The following KAZN variants were observed in gnomAD, a reference collection of about 807,000 sequenced individuals.
KAZN encodes kazrin.
In KAZN, 40 loss-of-function variants were observed where a neutral mutation model predicts 87.4. That is an observed-to-expected ratio of 0.46 (90% confidence interval 0.36 to 0.60). The LOEUF (loss-of-function observed/expected upper bound fraction) is 0.60. Among genes scored for constraint, KAZN ranks in the 20% least tolerant of loss-of-function variants. The pLI, the probability that KAZN is intolerant of heterozygous loss-of-function variation, is 0.00. For synonymous variants in KAZN, 466 were observed against 458.3 expected (o/e 1.02, Z -0.22); for missense variants, 898 against 1,073.9 (o/e 0.84, Z 2.29).
At chr1:14,580,804 C>T (rs1385120233) in intron 2 of KAZN, among the ~76,000 whole-genome samples, 3 of 152,172 alleles carry the variant, frequency 2.0e-5, no homozygotes, top group Admixed American at 6.5e-5. Context: ...GATTCTTGGT[C>T]GATCATTCGA....
At chr1:14,582,670 C>A (rs1675626096) in intron 2 of KAZN, among the ~76,000 whole-genome samples, 1 of 152,118 alleles carries the variant, frequency 6.6e-6, no homozygotes, top group African/African-American at 2.4e-5. Flanking sequence ...GTGGGAAGCA[C>A]CACTAACCTA....
intron 2 of KAZN, among the ~76,000 whole-genome samples, chr1:14,229,178 G>GA (rs915215326): frequency 6.6e-6 from 1 of 152,138 alleles, no homozygotes; most frequent in Non-Finnish European, 1.5e-5. Context: ...AGACAAGGAA[G>GA]AAAAATAGCT....
At chr1:14,883,832 G>A (rs556741410) in intron 1 of KAZN, among the ~76,000 whole-genome samples, 1 of 152,222 alleles carries the variant, frequency 6.6e-6, no homozygotes, top group Admixed American at 6.5e-5. Context: ...GGAATCTCTT[G>A]TTTTCTTTAA....
intron 1 of KAZN, among the ~76,000 whole-genome samples, chr1:14,141,944 T>A (rs2101769289): frequency 7.6e-6 from 1 of 131,420 alleles, no homozygotes; most frequent in East Asian, 2.3e-4. Flanking sequence ...TAAGGCTTTG[T>A]GCTTATGAGA....
chr1:14,078,572 T>C (rs1325208324), intron 1 of KAZN, among the ~76,000 whole-genome samples: 2 of 152,130 alleles, frequency 1.3e-5, no homozygotes, highest in Non-Finnish European at 2.9e-5. Flanking sequence ...AAGTCCAGAG[T>C]TGGAACACCG....
chr1:14,001,535 C>T (rs1166922024), intron 1 of KAZN, among the ~76,000 whole-genome samples: 1 of 152,122 alleles, frequency 6.6e-6, no homozygotes, highest in Non-Finnish European at 1.5e-5. Flanking sequence ...AAGAAGACCC[C>T]ATATAGCCAA....
At chr1:14,522,738 G>C (rs372169328) in intron 2 of KAZN, among the ~76,000 whole-genome samples, 1 of 152,126 alleles carries the variant, frequency 6.6e-6, no homozygotes, top group Non-Finnish European at 1.5e-5. Context: ...ATAACTCATC[G>C]GAGAAAATAT....
intron 2 of KAZN, among the ~76,000 whole-genome samples, chr1:14,965,642 T>A (rs1664377116): frequency 6.6e-6 from 1 of 152,272 alleles, no homozygotes; most frequent in Admixed American, 6.5e-5. Context: ...TTCCCTATTA[T>A]TAGACACTTA....
intron 1 of KAZN, among the ~76,000 whole-genome samples, chr1:14,821,508 A>C (rs1266476515): frequency 6.7e-6 from 1 of 149,536 alleles, no homozygotes; most frequent in Non-Finnish European, 1.5e-5. Flanking sequence ...CTGAGACTCC[A>C]CCTCTGAAAA....
rs187086853 is a variant in KAZN at position 14,419,665 on chromosome 1, C to T, written c.250-179318C>T. 4.5e-3 allele frequency among the ~76,000 whole-genome samples: 679 copies of T among 152,290 alleles called. 3 individuals carry two copies. The highest frequency in any genetic ancestry group is 0.015 in the African/African-American group (619 of 41,548). ...CTGATTTTCGGATGTGTTCAGAGTT[C>T]CTTCCTTCTGGTGGGTTTGTGATCT... On this transcript the variant is annotated intron_variant, in intron 2 of 16. Coordinates refer to the KAZN transcript ENST00000636203.
chr1:14,017,355 G>T (rs1640618590), intron 1 of KAZN, among the ~76,000 whole-genome samples: 1 of 152,184 alleles, frequency 6.6e-6, no homozygotes, highest in African/African-American at 2.4e-5. Flanking sequence ...GAAGTAACTT[G>T]TACAGTGCTT....
intron 1 of KAZN, among the ~76,000 whole-genome samples, chr1:14,114,099 C>G (rs956089958): frequency 1.3e-5 from 2 of 152,220 alleles, no homozygotes; most frequent in Non-Finnish European, 2.9e-5. Context: ...TGCAGTCAGC[C>G]TTTTAGAAAC....
intron 1 of KAZN, among the ~76,000 whole-genome samples, chr1:13,923,797 T>C (rs1230377331): frequency 2.6e-5 from 4 of 151,178 alleles, no homozygotes; most frequent in African/African-American, 9.7e-5. Flanking sequence ...ATATATGCTA[T>C]GTAAGTGGAC....
intron 1 of KAZN, among the ~76,000 whole-genome samples, chr1:13,932,427 A>T (rs1263106739): frequency 1.3e-5 from 2 of 151,028 alleles, no homozygotes; most frequent in Admixed American, 1.3e-4. Context: ...CGCCCGGCTA[A>T]TTTTTTGTAT....
intron 2 of KAZN, among the ~76,000 whole-genome samples, chr1:14,280,073 G>A (rs1020279811): frequency 6.6e-6 from 1 of 152,072 alleles, no homozygotes; most frequent in Non-Finnish European, 1.5e-5. Flanking sequence ...TAGTTAAGAT[G>A]AGGTTGCGGC....
intron 1 of KAZN, among the ~76,000 whole-genome samples, chr1:14,114,630 A>G (rs1644573494): frequency 6.6e-6 from 1 of 152,110 alleles, no homozygotes; most frequent in African/African-American, 2.4e-5. Context: ...ACCATTAACA[A>G]TGATAATGGT....
At position 14,598,754 on chromosome 1, in the gene KAZN, C is replaced by A; in HGVS notation, c.-244C>A. ...ATCGCTGCTCCTCCTCCTCCTTCTC[C>A]TCCTCTTTTTTCTCCTCCGCCTCCT... On this transcript the variant is annotated 5_prime_UTR_variant, in exon 1 of 15. Transcript: ENST00000376030. The surrounding 1 kb of genome is among the most constrained non-coding windows in gnomAD (Gnocchi z 4.2). 7.5e-7 allele frequency: 1 copy of A among 1,340,768 alleles called. No individual in the cohort carries two copies. Among genetic ancestry groups the A allele is most frequent in the Non-Finnish European group, 9.5e-7 (1 of 1,055,176 alleles). The allele number at this position is 1,340,768 out of a possible 1,614,324, so 83.1% of individuals were successfully genotyped here.
chr1:14,598,499 G>T (rs916895474), upstream of KAZN, among the ~76,000 whole-genome samples: 2 of 152,048 alleles, frequency 1.3e-5, no homozygotes. The surrounding 1 kb of genome is among the most constrained non-coding windows in gnomAD (Gnocchi z 4.2). Context: ...CCTGCCCCTC[G>T]CCAGGGGCGC....
intron 1 of KAZN, among the ~76,000 whole-genome samples, chr1:14,911,076 C>T (rs562510924): frequency 6.6e-6 from 1 of 152,194 alleles, no homozygotes; most frequent in Non-Finnish European, 1.5e-5. Context: ...CATGCCAGGC[C>T]TCTGAACCAG....
Sources: allele counts gnomAD v4.1 joint callset (sites outside exome capture counted in the v4.1 genomes callset), GRCh38; gene constraint gnomAD v4.1.1; non-coding constraint Gnocchi (gnomAD v3.1); transcripts MANE v1.5; gene names NCBI Gene and HGNC (gene_info 2026-07-23, HGNC 2026-07-21).